The following URI1 variants were observed in gnomAD, a reference collection of about 807,000 sequenced individuals.
URI1 encodes the protein URI1 prefoldin like chaperone, also known as unconventional prefoldin RPB5 interactor 1.
URI1 carries 39 observed loss-of-function variants against 60.2 expected under a neutral mutation model. The observed-to-expected ratio is 0.65, with a 90% CI of 0.50 to 0.85. The LOEUF (loss-of-function observed/expected upper bound fraction) is 0.85. URI1 is among the 40% of genes least tolerant of loss of function. The pLI, the probability that URI1 is intolerant of heterozygous loss-of-function variation, is 0.00. For missense variants in URI1, 691 were observed against 665.9 expected (o/e 1.04, Z -0.42); for synonymous variants, 251 against 236.8 (o/e 1.06, Z -0.55).
Position 30,009,324 on chromosome 19 carries a change from T to C in URI1, c.1006T>C (p.Tyr336His), listed in dbSNP as rs756237766. The change falls in exon 8 of 11, where the codon TAT (tyrosine) becomes CAT (histidine). Residue 336 changes from tyrosine to histidine, a missense_variant. By Grantham distance (83) the Tyr-to-His change is moderately conservative (BLOSUM62 2). Transcript: ENST00000392271. Reference protein sequence around the residue: ...GVGDNSIPTIYFSHTVEPKRV... With the variant: ...GVGDNSIPTIHFSHTVEPKRV... ...TGGAGATAATTCTATACCAACAATA[T>C]ATTTTTCACATACTGTTGAGCCTAA... 2.5e-6 allele frequency: 4 copies of C among 1,614,032 alleles called. No homozygotes were observed. Among genetic ancestry groups the C allele is most frequent in the Non-Finnish European group, 3.4e-6 (4 of 1,179,894 alleles).
chr19:29,942,644 C>T lies in URI1; in HGVS notation c.97C>T (p.Leu33=), dbSNP rs1342587529. The T allele has an allele frequency of 6.9e-7, 1 of 1,453,138 alleles. No individual in the cohort carries two copies. Among genetic ancestry groups the T allele is most frequent in the Non-Finnish European group, 9.1e-7 (1 of 1,104,534 alleles). 90.0% of individuals were successfully genotyped at this position (1,453,138 alleles called of 1,614,324 possible). Residue 33 remains leucine (L), a synonymous_variant, in exon 1 of 11, where the codon CTG becomes TTG. Coordinates refer to ENST00000392271, the MANE Select transcript of URI1 (RefSeq NM_003796.3). The part of the protein sequence containing the change: ...VPLRAPDVAR[L]REEQEKVVTN... ...GTTGCGCGCCCCGGATGTGGCGCGG[C>T]TGCGCGAGGAGCAGGAAAAGGTAAC... is the stretch of plus-strand genomic sequence containing the variant.
At position 30,007,445 on chromosome 19, in the gene URI1, C is replaced by T. The variant is rs2055957403; in HGVS notation, c.518-25C>T. ...CTTTTTTATGTTGGCTATTAACAGC[C>T]ACGTCTTTTCCTTTTTCTAAATAGC... On this transcript the variant is annotated intron_variant, in intron 6 of 10. Transcript: ENST00000392271. The T allele has an allele frequency of 1.9e-6, 3 of 1,607,796 alleles. No individual in the cohort carries two copies. In the South Asian group the frequency reaches 3.3e-5, roughly 18 times the overall value.
intron 10 of URI1, among the ~76,000 whole-genome samples, chr19:30,013,552 G>A (rs796329646): frequency 9.9e-5 from 15 of 152,198 alleles, no homozygotes; most frequent in African/African-American, 3.4e-4. Flanking sequence ...TTAGTTTTTT[G>A]TAAGGACTTA....
At chr19:29,964,966 C>T (rs1009428114) in intron 1 of URI1, among the ~76,000 whole-genome samples, 4 of 150,910 alleles carry the variant, frequency 2.7e-5, no homozygotes, top group Non-Finnish European at 5.9e-5. Flanking sequence ...GTTTGCTACT[C>T]TAAAGTTTTC....
chr19:29,936,791 T>C (rs188846959), intron 1 of URI1, among the ~76,000 whole-genome samples: 1 of 152,158 alleles, frequency 6.6e-6, no homozygotes. Context: ...CTCACTCTAT[T>C]GCCCAGGCTG....
intron 4 of URI1, among the ~76,000 whole-genome samples, chr19:29,988,480 C>T (rs1186737490): frequency 1.3e-5 from 2 of 152,198 alleles, no homozygotes; most frequent in Non-Finnish European, 2.9e-5. Context: ...CCTCACACTG[C>T]CCCTTGGTGG....
chr19:29,972,486 A>G (rs911799580), intron 2 of URI1, among the ~76,000 whole-genome samples: 1 of 152,094 alleles, frequency 6.6e-6, no homozygotes, highest in Non-Finnish European at 1.5e-5. Flanking sequence ...ACTTCTGTCT[A>G]TTGGTTTTGG....
intron 1 of URI1, among the ~76,000 whole-genome samples, chr19:29,926,487 G>GAA (rs2054869486): frequency 6.6e-6 from 1 of 152,204 alleles, no homozygotes; most frequent in East Asian, 1.9e-4. Flanking sequence ...TCACTATGTT[G>GAA]CCCAGACTAG....
At chr19:29,970,128 ATTTT>A (rs199739403) in intron 1 of URI1, among the ~76,000 whole-genome samples, 16 of 74,538 alleles carry the variant, frequency 2.1e-4, no homozygotes, top group African/African-American at 5.8e-4. Context: ...AATCGTGTGT[ATTTT>A]TTTTTTTTTT....
upstream of URI1, chr19:29,938,134 G>C (rs536234797): frequency 1.3e-5 from 2 of 152,312 alleles, no homozygotes; most frequent in East Asian, 3.9e-4. Flanking sequence ...TGGGATTACA[G>C]ATGTGAATTA....
intron 1 of URI1, among the ~76,000 whole-genome samples, chr19:29,927,560 C>CTTTTTTTTTTTTTTTTTTT (rs3049080): frequency 5.0e-5 from 2 of 39,812 alleles, no homozygotes; most frequent in African/African-American, 2.6e-4. Flanking sequence ...CTGCACCCGG[C>CTTTTTTTTTTTTTTTTTTT]TTTTTTTTTT....
intron 1 of URI1, among the ~76,000 whole-genome samples, chr19:29,955,844 GCCC>G (rs946138326): frequency 2.6e-5 from 4 of 151,820 alleles, no homozygotes; most frequent in African/African-American, 9.7e-5. Flanking sequence ...GCCCTCCTTG[GCCC>G]CCCAAAGTGC....
chr19:29,974,720 T>C (rs1290212988), intron 2 of URI1, among the ~76,000 whole-genome samples: 1 of 152,188 alleles, frequency 6.6e-6, no homozygotes, highest in African/African-American at 2.4e-5. Flanking sequence ...AGGCAGTTAT[T>C]CAGCCCTTGC....
At position 30,007,482 on chromosome 19, in the gene URI1, T is replaced by C. The variant is rs770656465; in HGVS notation, c.530T>C (p.Ile177Thr). 1 of 1,612,736 alleles carries C rather than the reference T, an allele frequency of 6.2e-7. No homozygotes were observed. Among genetic ancestry groups the C allele is most frequent in the Non-Finnish European group, 8.5e-7 (1 of 1,179,272 alleles). The change falls in exon 7 of 11, where the codon ATT (isoleucine) becomes ACT (threonine). Residue 177 changes from isoleucine to threonine, a missense_variant. By Grantham distance (89) the Ile-to-Thr change is moderately conservative. Transcript: ENST00000392271. ...TTTTTCTAAATAGCAAAACACCGAATTGCTCATAAACCGCATTCCAAACCA... is the reference window on the plus strand; with the variant it reads ...TTTTTCTAAATAGCAAAACACCGAACTGCTCATAAACCGCATTCCAAACCA... ...CDFEFKAKHR[I>T]AHKPHSKPKT...
chr19:29,968,384 T>C (rs996687545), intron 1 of URI1, among the ~76,000 whole-genome samples: 4 of 152,104 alleles, frequency 2.6e-5, no homozygotes, highest in Non-Finnish European at 4.4e-5. Flanking sequence ...TTTCAAGTGT[T>C]GCTTGTAGAA....
Position 30,015,109 on chromosome 19 carries a change from G to C in URI1, c.*40G>C, listed in dbSNP as rs2056069932. On this transcript the variant is annotated 3_prime_UTR_variant, in exon 11 of 11. Coordinates refer to ENST00000392271, the MANE Select transcript of URI1 (RefSeq NM_003796.3). ...ATGGGAATTTACATCCTAAAACCTA[G>C]TTGTTCATTTGTTTAGAGTATCTAT... 5 of 1,593,274 alleles carry C rather than the reference G, an allele frequency of 3.1e-6. No individual in the cohort carries two copies. In the South Asian group the frequency reaches 4.6e-5, roughly 15 times the overall value.
At chr19:29,958,666 T>G (rs1052243041) in intron 1 of URI1, among the ~76,000 whole-genome samples, 1 of 152,094 alleles carries the variant, frequency 6.6e-6, no homozygotes, top group Non-Finnish European at 1.5e-5. Flanking sequence ...TTCTTTTTTT[T>G]TGATTAACTC....
At chr19:29,994,491 A>G (rs2055786681) in intron 4 of URI1, among the ~76,000 whole-genome samples, 4 of 151,958 alleles carry the variant, frequency 2.6e-5, no homozygotes. Context: ...TGGCTATTCT[A>G]GATACCTTAC....
At chr19:29,991,638 T>C (rs745902720) in intron 4 of URI1, among the ~76,000 whole-genome samples, 2 of 152,134 alleles carry the variant, frequency 1.3e-5, no homozygotes, top group African/African-American at 2.4e-5. Context: ...CAGTATAATA[T>C]TGAATAGGAG....
Sources: gnomAD v4.1 joint callset for allele counts (sites outside exome capture counted in the v4.1 genomes callset) on GRCh38, gnomAD v4.1.1 for gene constraint, MANE v1.5 for transcripts, NCBI Gene and HGNC (gene_info 2026-07-23, HGNC 2026-07-21) for gene names.